The following NAV3 variants were observed in gnomAD, a reference collection of about 807,000 sequenced individuals.
The protein encoded by NAV3 is neuron navigator 3, also known as pore membrane and/or filament interacting like protein 1.
In NAV3, 87 loss-of-function variants were observed where a neutral mutation model predicts 244.7. The ratio of observed to expected loss-of-function variants is 0.36; its 90% CI spans 0.30 to 0.42. NAV3 has a LOEUF of 0.42. Ranked by LOEUF, NAV3 falls within the 20% of genes least tolerant of loss-of-function variation. The pLI is 1.00. For synonymous variants in NAV3, 1,126 were observed against 1,042.2 expected (o/e 1.08, Z -1.55); for missense variants, 2,663 against 2,893.3 (o/e 0.92, Z 1.83).
At chr12:77,792,518 A>G (rs1315939528) in intron 2 of NAV3, among the ~76,000 whole-genome samples, 1 of 152,132 alleles carries the variant, frequency 6.6e-6, no homozygotes, top group Non-Finnish European at 1.5e-5. Flanking sequence ...CCATTGCCAC[A>G]TTTACACATG....
intron 9 of NAV3, among the ~76,000 whole-genome samples, chr12:78,030,752 G>A (rs764816379): frequency 1.1e-4 from 16 of 152,042 alleles, no homozygotes; most frequent in African/African-American, 3.9e-4. Flanking sequence ...GAATAAATAG[G>A]CACATGGAAA....
intron 3 of NAV3, chr12:77,947,381 A>T (rs1890454046): frequency 6.7e-6 from 1 of 150,306 alleles, no homozygotes; most frequent in Non-Finnish European, 1.5e-5. Flanking sequence ...TTTTTCAGCT[A>T]CTGCTTGTAA....
intron 16 of NAV3, among the ~76,000 whole-genome samples, chr12:78,123,977 GT>G (rs1955795924): frequency 6.6e-6 from 1 of 152,110 alleles, no homozygotes; most frequent in Non-Finnish European, 1.5e-5. Flanking sequence ...ACAACCTATA[GT>G]TTTAATGAAT....
chr12:77,684,332 T>C (rs1592579171), intron 2 of NAV3, among the ~76,000 whole-genome samples: 1 of 152,304 alleles, frequency 6.6e-6, no homozygotes, highest in East Asian at 1.9e-4. Flanking sequence ...TTATGTATTA[T>C]AAATATTTTC....
chr12:77,691,350 T>TATATATATATATAA (rs1875017098), intron 2 of NAV3, among the ~76,000 whole-genome samples: 4 of 137,136 alleles, frequency 2.9e-5, no homozygotes. Flanking sequence ...TATATATATA[T>TATATATATATATAA]ATATACATAT....
At chr12:77,672,838 G>A (rs1394820447) in intron 2 of NAV3, among the ~76,000 whole-genome samples, 1 of 152,034 alleles carries the variant, frequency 6.6e-6, no homozygotes, top group South Asian at 2.1e-4. Flanking sequence ...AAATAAAATT[G>A]TGGGAAAGGA....
At chr12:78,176,356 G>T (rs565190939) in intron 25 of NAV3, 83 bp from the exon 26 acceptor site, 1 of 1,324,530 alleles carries the variant, frequency 7.5e-7, no homozygotes, top group Non-Finnish European at 1.1e-6. Context: ...CTTAAAAAAT[G>T]TTTATACAGG....
At chr12:78,038,135 T>C (rs1018488473) in intron 9 of NAV3, among the ~76,000 whole-genome samples, 1 of 152,242 alleles carries the variant, frequency 6.6e-6, no homozygotes, top group Admixed American at 6.5e-5. Context: ...AGTGATTCTA[T>C]AGTTTGTGAC....
intron 1 of NAV3, among the ~76,000 whole-genome samples, chr12:77,938,272 A>G (rs1487784078): frequency 6.6e-6 from 1 of 152,214 alleles, no homozygotes; most frequent in Non-Finnish European, 1.5e-5. Flanking sequence ...CAAAAAATGT[A>G]TGATCATACA....
chr12:78,093,651 A>T lies in NAV3; in HGVS notation c.2637-23121A>T, dbSNP rs189001450. 2.2e-3 allele frequency among the ~76,000 whole-genome samples: 334 copies of T among 152,314 alleles called. 3 individuals are homozygous for T. The highest frequency in any genetic ancestry group is 7.8e-3 in the African/African-American group (324 of 41,570). On this transcript the variant is annotated intron_variant, in intron 12 of 39. Transcript: ENST00000397909. ...CAAAGACACTCTGGGGGAAAAAAAAAGTACAGTATTAAGTAGAAAATCTAA... is the reference window on the plus strand; with the variant it reads ...CAAAGACACTCTGGGGGAAAAAAAATGTACAGTATTAAGTAGAAAATCTAA...
At chr12:77,691,335 G>GTATATATATATATATATA (rs1455098694) in intron 2 of NAV3, among the ~76,000 whole-genome samples, 3 of 103,458 alleles carry the variant, frequency 2.9e-5, no homozygotes, top group African/African-American at 1.0e-4. Context: ...TTGTGTATGT[G>GTATATATATATATATATA]TGTATATATA....
At chr12:77,679,725 G>A (rs942212164) in intron 2 of NAV3, among the ~76,000 whole-genome samples, 3 of 152,116 alleles carry the variant, frequency 2.0e-5, no homozygotes, top group Non-Finnish European at 4.4e-5. Context: ...CCTGAGAGGC[G>A]AGAAGTAGTG....
chr12:78,180,682 G>A (rs1202304526), intron 29 of NAV3, among the ~76,000 whole-genome samples, 189 bp from the exon 30 acceptor site: 2 of 152,138 alleles, frequency 1.3e-5, no homozygotes, highest in South Asian at 2.1e-4. Flanking sequence ...AATGTATAAT[G>A]TGTGAGAGAG....
chr12:78,016,066 T>A (rs1226643764), intron 8 of NAV3, among the ~76,000 whole-genome samples: 1 of 152,122 alleles, frequency 6.6e-6, no homozygotes, highest in African/African-American at 2.4e-5. Context: ...TCTTTGAGAA[T>A]TTTCTTTCTT....
intron 5 of NAV3, among the ~76,000 whole-genome samples, chr12:77,976,670 T>C (rs11107636): frequency 0.021 from 1,321 of 64,292 alleles, 46 homozygotes; most frequent in Middle Eastern, 0.071. Flanking sequence ...TTCTTTCTTT[T>C]TTTCTTTTTT....
intron 5 of NAV3, among the ~76,000 whole-genome samples, chr12:77,992,489 A>C (rs1444682504): frequency 6.6e-6 from 1 of 152,192 alleles, no homozygotes; most frequent in Non-Finnish European, 1.5e-5. Context: ...AAATAAAGAA[A>C]TTTAAGTAAG....
chr12:77,880,580 G>C (rs775764959), intron 1 of NAV3, among the ~76,000 whole-genome samples: 9 of 151,938 alleles, frequency 5.9e-5, no homozygotes, highest in Admixed American at 2.6e-4. Context: ...TATGACCAGA[G>C]ATATTATAAT....
chr12:77,925,642 G>C (rs1300874820), intron 1 of NAV3, among the ~76,000 whole-genome samples: 1 of 152,142 alleles, frequency 6.6e-6, no homozygotes, highest in African/African-American at 2.4e-5. Context: ...TCGCTTTGCG[G>C]TTTGACAAGG....
chr12:78,113,670 A>G (rs1333649456), intron 12 of NAV3, among the ~76,000 whole-genome samples: 2 of 152,072 alleles, frequency 1.3e-5, no homozygotes, highest in Admixed American at 6.5e-5. Context: ...TTTCCCTCCT[A>G]GGCTTCTGGG....
Sources: allele counts gnomAD v4.1 joint callset (sites outside exome capture counted in the v4.1 genomes callset), GRCh38; gene constraint gnomAD v4.1.1; transcripts MANE v1.5; gene names NCBI Gene and HGNC (gene_info 2026-07-23, HGNC 2026-07-21).